Variants in MDGA1 observed in about 807,000 individuals in gnomAD.
MDGA1 encodes the protein MAM domain containing glycosylphosphatidylinositol anchor 1, also known as MAM domain-containing glycosylphosphatidylinositol anchor protein 1.
MDGA1 carries 54 observed loss-of-function variants against 101.5 expected under a neutral mutation model. That is an observed-to-expected ratio of 0.53 (90% CI 0.43 to 0.67). The LOEUF is 0.67. Among genes scored for constraint, MDGA1 ranks in the 30% least tolerant of loss-of-function variants. The probability of loss-of-function intolerance (pLI) is 0.00; values close to 1 mark genes in which losing one functional copy is unlikely to be tolerated. For synonymous variants in MDGA1, 533 were observed against 558.3 expected (o/e 0.95, Z 0.64); for missense variants, 1,083 against 1,323.8 (o/e 0.82, Z 2.82).
Position 37,697,390 on chromosome 6 carries a change from C to G in MDGA1, c.-579G>C, listed in dbSNP as rs973363664. ...GCGGCGAAGCAGCCCCGGGCCCGGC[C>G]CTCCTGATCCGGGGAGCAGCGCGGG... is the stretch of plus-strand genomic sequence containing the variant. On this transcript the variant is annotated 5_prime_UTR_variant, in exon 1 of 17. Coordinates refer to ENST00000434837, the MANE Select transcript of MDGA1 (RefSeq NM_153487.4). 1 of 152,042 alleles carries G rather than the reference C, an allele frequency of 6.6e-6. No individual in the cohort carries two copies. The highest frequency in any genetic ancestry group is 2.4e-5 in the African/African-American group (1 of 41,416). The allele number at this position is 152,042 out of a possible 1,614,324, so 9.4% of individuals were successfully genotyped here.
At chr6:37,678,777 C>A (rs1287759211) in intron 1 of MDGA1, among the ~76,000 whole-genome samples, 2 of 151,472 alleles carry the variant, frequency 1.3e-5, no homozygotes, top group Non-Finnish European at 2.9e-5. Flanking sequence ...TCCCTGAACA[C>A]CCTGTTTAAG....
intron 11 of MDGA1, 68 bp downstream of exon 11, chr6:37,646,130 A>T (rs560504591): frequency 6.4e-7 from 1 of 1,552,316 alleles, no homozygotes; most frequent in African/African-American, 1.4e-5. Flanking sequence ...GAACCACATG[A>T]GGATGGTGAA....
chr6:37,684,675 T>C (rs1490637369), intron 1 of MDGA1, among the ~76,000 whole-genome samples: 1 of 152,182 alleles, frequency 6.6e-6, no homozygotes. Context: ...TGTTTTTGGG[T>C]CATTGAAGGC....
At chr6:37,676,785 T>C (rs1437099354) in intron 1 of MDGA1, among the ~76,000 whole-genome samples, 4 of 151,748 alleles carry the variant, frequency 2.6e-5, no homozygotes, top group Non-Finnish European at 5.9e-5. Context: ...TAATCCCAGC[T>C]ACTCGGGAGG....
chr6:37,665,600 G>A (rs79648226), intron 1 of MDGA1, among the ~76,000 whole-genome samples: 2,016 of 152,264 alleles, frequency 0.013, 52 homozygotes, highest in African/African-American at 0.045. Context: ...GCCAGACACC[G>A]ACTAACTGGC....
At chr6:37,672,601 C>A (rs1364509003) in intron 1 of MDGA1, among the ~76,000 whole-genome samples, 2 of 152,142 alleles carry the variant, frequency 1.3e-5, no homozygotes, top group African/African-American at 2.4e-5. Context: ...AAATTCCCCG[C>A]CCAGAGTTGG....
At chr6:37,645,779 C>T (rs568816243) in intron 12 of MDGA1, among the ~76,000 whole-genome samples, 154 bp downstream of exon 12, 21 of 152,194 alleles carry the variant, frequency 1.4e-4, no homozygotes, top group Non-Finnish European at 2.9e-4. Context: ...AACCCTGCTT[C>T]TCCTTCTAGC....
At chr6:37,639,142 G>C (rs1256733355) in intron 14 of MDGA1, 1 of 170,780 alleles carries the variant, frequency 5.9e-6, no homozygotes, top group Non-Finnish European at 1.3e-5. Context: ...GAGTATGTTG[G>C]GTCCAGTAAG....
At position 37,652,363 on chromosome 6, in the gene MDGA1, G is replaced by A; in HGVS notation, c.983-23C>T. 6.4e-7 allele frequency: 1 copy of A among 1,562,562 alleles called. No individual in the cohort carries two copies. The highest frequency in any genetic ancestry group is 8.7e-7 in the Non-Finnish European group (1 of 1,149,372). Reference sequence around the variant, plus strand: ...TGGCTGTGAGTGGATGGGGAGGGAAGGGTAGTTGGGGTTGGCCTGACTCCA... The same window carrying A: ...TGGCTGTGAGTGGATGGGGAGGGAAAGGTAGTTGGGGTTGGCCTGACTCCA... On this transcript the variant is annotated intron_variant, in intron 6 of 16. Transcript: ENST00000434837. The surrounding 1 kb of genome is among the most constrained non-coding windows in gnomAD (Gnocchi z 4.3).
chr6:37,663,873 G>A (rs879413221), intron 2 of MDGA1, 94 bp downstream of exon 2: 22 of 1,402,870 alleles, frequency 1.6e-5, no homozygotes, highest in East Asian at 4.7e-5. Flanking sequence ...GCGGTGCATC[G>A]TGAGTCCTCA....
At chr6:37,644,349 G>A (rs1764172985) in intron 13 of MDGA1, 148 bp downstream of exon 13, 1 of 903,544 alleles carries the variant, frequency 1.1e-6, no homozygotes. Context: ...TCGAGGCTGT[G>A]TCTCCCCTCA....
At position 37,650,204 on chromosome 6, in the gene MDGA1, C is replaced by G. The variant is rs1761324786; in HGVS notation, c.1514G>C (p.Ser505Thr). 1.2e-6 allele frequency: 2 copies of G among 1,612,660 alleles called. No homozygotes were observed. Among genetic ancestry groups the G allele is most frequent in the Admixed American group, 3.3e-5 (2 of 59,978 alleles). ...PDGKLRLERV[S>T]RDMSGTYRCQ... ...GCGGTAGGTCCCGCTCATGTCTCGG[C>G]TCACTCGCTCCAGCCGCAGCTTCCC... Residue 505 changes from serine to threonine, a missense_variant, in exon 8 of 17, where the codon AGC becomes ACC. By Grantham distance (58) the Ser-to-Thr change is moderately conservative (BLOSUM62 1). This residue lies in a region of MDGA1 where 657 missense variants were observed against 771.4 expected (regional missense o/e 0.85). Transcript: ENST00000434837.
chr6:37,637,268 T>C lies in MDGA1; in HGVS notation c.*100A>G, dbSNP rs965830891. The stretch of plus-strand genomic sequence containing the variant: ...GGCCCCCTCCCTGGCGGGCCGGCCC[T>C]GCCCCTGGGCACCCCAGCTGGCGGG... On this transcript the variant is annotated 3_prime_UTR_variant, in exon 17 of 17. Coordinates refer to ENST00000434837, the MANE Select transcript of MDGA1 (RefSeq NM_153487.4). The C allele has an allele frequency of 2.4e-5, 23 of 978,320 alleles. No homozygotes were observed. The highest frequency in any genetic ancestry group is 3.5e-5 in the Non-Finnish European group (22 of 632,674). The allele number at this position is 978,320 out of a possible 1,614,324, so 60.6% of individuals were successfully genotyped here.
Position 37,638,607 on chromosome 6 carries a change from G to C in MDGA1, c.2597C>G (p.Ser866Cys). 6.2e-7 allele frequency: 1 copy of C among 1,614,000 alleles called. No individual in the cohort carries two copies. The highest frequency in any genetic ancestry group is 8.5e-7 in the Non-Finnish European group (1 of 1,179,884). ...NKGALDTHAW[S>C]LSGNKGNVWQ... is the part of the protein sequence containing the mutation. Reference sequence around the variant, plus strand: ...CACATTGCCCTTATTGCCACTGAGAGACCAGGCGTGCGTGTCCAGAGCCCC... The same window carrying C: ...CACATTGCCCTTATTGCCACTGAGACACCAGGCGTGCGTGTCCAGAGCCCC... Residue 866 changes from serine to cysteine, a missense_variant, in exon 15 of 17, where the codon TCT (serine) becomes TGT (cysteine). Physicochemically the swap from Ser to Cys is moderately radical, Grantham distance 112. This residue lies in a region of MDGA1 where 657 missense variants were observed against 771.4 expected (regional missense o/e 0.85). Transcript: ENST00000434837. This position sits in a 1 kb window ranked among gnomAD's most constrained non-coding sequence, Gnocchi z 4.8.
intron 1 of MDGA1, among the ~76,000 whole-genome samples, chr6:37,669,734 G>A (rs1286449960): frequency 6.6e-6 from 1 of 152,206 alleles, no homozygotes. Flanking sequence ...CCCAGGCAGG[G>A]CTGTTTCAAG....
intron 1 of MDGA1, among the ~76,000 whole-genome samples, chr6:37,690,835 A>G (rs1403617949): frequency 1.3e-5 from 2 of 150,766 alleles, no homozygotes; most frequent in East Asian, 3.9e-4. Flanking sequence ...CTTTCAGCTT[A>G]TGCTCCAGCC....
intron 13 of MDGA1, 31 bp downstream of exon 13, chr6:37,644,466 C>T: frequency 6.6e-7 from 1 of 1,513,410 alleles, no homozygotes; most frequent in Non-Finnish European, 8.8e-7. Flanking sequence ...TGAAGCAATC[C>T]TCCATTTCTG....
chr6:37,668,060 G>T (rs1310725513), intron 1 of MDGA1, among the ~76,000 whole-genome samples: 1 of 152,118 alleles, frequency 6.6e-6, no homozygotes, highest in Non-Finnish European at 1.5e-5. Flanking sequence ...AGACCAGCCT[G>T]GGCAACATAG....
intron 1 of MDGA1, among the ~76,000 whole-genome samples, chr6:37,671,823 G>A (rs72847494): frequency 0.11 from 17,085 of 152,236 alleles, 1,128 homozygotes; most frequent in Middle Eastern, 0.2. Flanking sequence ...TAGGGTGAGG[G>A]CCAAACAAGA....
Sources: allele counts gnomAD v4.1 joint callset (sites outside exome capture counted in the v4.1 genomes callset), GRCh38; gene constraint gnomAD v4.1.1; regional missense constraint gnomAD v4.1.1; non-coding constraint Gnocchi (gnomAD v3.1); transcripts MANE v1.5; gene names NCBI Gene and HGNC (gene_info 2026-07-23, HGNC 2026-07-21).